The following ERCC8 variants were observed in gnomAD, a reference collection of about 807,000 sequenced individuals.
ERCC8 encodes the protein DNA excision repair protein ERCC-8.
Under a neutral mutation model 54.9 loss-of-function variants are expected in ERCC8, and 52 were observed. That is an observed-to-expected ratio of 0.95 (90% CI 0.76 to 1.19). The LOEUF (loss-of-function observed/expected upper bound fraction) is 1.19. Ranked by LOEUF, ERCC8 falls within the 50% of genes most tolerant of loss-of-function variation. The probability of loss-of-function intolerance (pLI) is 0.00; values close to 1 mark genes in which losing one functional copy is unlikely to be tolerated. For synonymous variants in ERCC8, 146 were observed against 157.2 expected, an observed-to-expected ratio of 0.93 and a Z score of 0.53; for missense variants, 514 against 466.1, an observed-to-expected ratio of 1.10 and a Z score of -0.95.
intron 1 of ERCC8, among the ~76,000 whole-genome samples, chr5:60,938,077 A>G (rs1561519069): frequency 1.1e-4 from 2 of 18,288 alleles, no homozygotes; most frequent in African/African-American, 4.5e-4. Flanking sequence ...ATATATATAT[A>G]TATATATATT....
At chr5:60,892,280 G>A (rs1429668991) in intron 9 of ERCC8, 2 of 554,952 alleles carry the variant, frequency 3.6e-6, no homozygotes, top group African/African-American at 1.9e-5. Context: ...TTCCATCATC[G>A]GAGAATGGAG....
chr5:60,879,694 C>G (rs1561493763), intron 11 of ERCC8, among the ~76,000 whole-genome samples: 1 of 151,934 alleles, frequency 6.6e-6, no homozygotes, highest in Admixed American at 6.5e-5. Context: ...CAACCTCTGC[C>G]TTTTTTTGTT....
intron 11 of ERCC8, among the ~76,000 whole-genome samples, chr5:60,878,356 G>A (rs1330286176): frequency 6.6e-6 from 1 of 152,256 alleles, no homozygotes; most frequent in East Asian, 1.9e-4. Context: ...TCTCTGCCAG[G>A]CTTTGGTATC....
chr5:60,878,929 C>G (rs1748110327), intron 11 of ERCC8, among the ~76,000 whole-genome samples: 1 of 152,168 alleles, frequency 6.6e-6, no homozygotes, highest in Admixed American at 6.5e-5. Flanking sequence ...TGTGTTTGCT[C>G]TTGCTTCTCT....
intron 4 of ERCC8, 118 bp downstream of exon 4, chr5:60,918,147 T>C: frequency 2.5e-6 from 2 of 815,564 alleles, no homozygotes. Flanking sequence ...TCTTAACCAC[T>C]GTACTGCTTT....
At chr5:60,919,063 C>T (rs1749524111) in intron 3 of ERCC8, among the ~76,000 whole-genome samples, 1 of 151,964 alleles carries the variant, frequency 6.6e-6, no homozygotes, top group Non-Finnish European at 1.5e-5. Context: ...TTCAAACAAA[C>T]TGGCTTTTAA....
In ERCC8 at chr5:60,902,794, A is replaced by T. The variant is rs558101479; in HGVS notation, c.551-286T>A. On this transcript the variant is annotated intron_variant, in intron 6 of 11. Transcript: ENST00000676185. ...ATACAGTTGTTAGCTTATGTCAGTA[A>T]ATCCATATAACTCAAGCTCAATTAC... 1.8e-4 allele frequency among the ~76,000 whole-genome samples: 27 copies of T among 152,146 alleles called. No individual in the cohort carries two copies. The South Asian group carries it at 4.1e-3, about 23-fold the overall frequency.
chr5:60,903,680 A>G lies in ERCC8; in HGVS notation c.518T>C (p.Leu173Ser). ...TRGPKVQLCD[L>S]KSGSCSHILQ... Reference sequence around the variant, plus strand: ...AATGTGAGAACAGGATCCAGACTTCAAGTCACAAAGTTGTACTTTGGGTCC... The same window carrying G: ...AATGTGAGAACAGGATCCAGACTTCGAGTCACAAAGTTGTACTTTGGGTCC... Residue 173 changes from leucine to serine, a missense_variant, in exon 6 of 12, where the codon TTG becomes TCG. Leu to Ser is a moderately radical substitution (Grantham distance 145, BLOSUM62 -2). Transcript: ENST00000676185. 1 of 1,612,854 alleles carries G rather than the reference A, an allele frequency of 6.2e-7. No individual in the cohort carries two copies.
Position 60,892,938 on chromosome 5 carries a change from CA to C in ERCC8, c.844-1853del, listed in dbSNP as rs1437811354. On this transcript the variant is annotated intron_variant, in intron 9 of 11. Transcript: ENST00000676185. ...GTGGGTGCGCATTTCACCAAGGCAG[CA>C]ATAGTTCCCCAGAACCCTCATGAGG... is the stretch of plus-strand genomic sequence containing the variant. 4.5e-5 allele frequency: 34 copies of C among 753,954 alleles called. No homozygotes were observed. In the African/African-American group the frequency reaches 5.7e-4, roughly 13 times the overall value. The allele number at this position is 753,954 out of a possible 1,614,324, so 46.7% of individuals were successfully genotyped here. A position where few individuals can be genotyped will look rare whatever the true frequency, so the allele number is the denominator to read the frequency against.
chr5:60,887,370 A>C (rs762950598), intron 11 of ERCC8, 70 bp downstream of exon 11: 3 of 1,303,712 alleles, frequency 2.3e-6, no homozygotes, highest in Non-Finnish European at 3.3e-6. Flanking sequence ...AGTCTCTCTC[A>C]CATAAAGTAA....
At chr5:60,921,741 T>C (rs1749605744) in intron 3 of ERCC8, among the ~76,000 whole-genome samples, 1 of 151,960 alleles carries the variant, frequency 6.6e-6, no homozygotes, top group South Asian at 2.1e-4. Flanking sequence ...TAAGTGGTAC[T>C]AAAAACTCTA....
chr5:60,933,940 C>T (rs941345058), intron 1 of ERCC8, among the ~76,000 whole-genome samples: 7 of 150,480 alleles, frequency 4.7e-5, no homozygotes, highest in African/African-American at 7.3e-5. Flanking sequence ...TTCCATGATA[C>T]ACACACACAC....
intron 9 of ERCC8, chr5:60,893,247 C>A: frequency 9.9e-7 from 1 of 1,005,626 alleles, no homozygotes; most frequent in South Asian, 1.3e-5. Flanking sequence ...TTCATAGTGG[C>A]CTCGTCATCC....
rs949689096 is a variant in ERCC8, at chr5:60,874,075, C to T, written c.*540G>A. On this transcript the variant is annotated 3_prime_UTR_variant, in exon 12 of 12. Coordinates refer to ENST00000676185, the MANE Select transcript of ERCC8 (RefSeq NM_000082.4). ...ATTTTGGATAGTAGGAGACATTGAG[C>T]CCCAAAATGTTTAACATAAAGCATG... 6.6e-6 allele frequency: 1 copy of T among 152,170 alleles called. No individual in the cohort carries two copies. The highest frequency in any genetic ancestry group is 2.4e-5 in the African/African-American group (1 of 41,354). 9.4% of individuals were successfully genotyped at this position (152,170 alleles called of 1,614,324 possible).
At chr5:60,892,144 T>TA (rs1748581065) in intron 9 of ERCC8, 2 of 510,304 alleles carry the variant, frequency 3.9e-6, no homozygotes, top group Admixed American at 2.1e-5. Flanking sequence ...CTTACTGTTT[T>TA]TTTTTAGGGT....
intron 11 of ERCC8, among the ~76,000 whole-genome samples, chr5:60,877,505 G>A (rs1005958263): frequency 1.3e-5 from 2 of 152,212 alleles, no homozygotes; most frequent in Admixed American, 6.5e-5. Flanking sequence ...TCCTACCCAT[G>A]AGCATGGAAT....
intron 2 of ERCC8, among the ~76,000 whole-genome samples, chr5:60,925,747 T>C (rs1234898232): frequency 6.6e-6 from 1 of 152,246 alleles, no homozygotes; most frequent in Non-Finnish European, 1.5e-5. Flanking sequence ...TGGTTTTTCC[T>C]ATTTGCCATT....
Position 60,866,986 on chromosome 5 carries a change from A to C in ERCC8, c.*7629T>G, listed in dbSNP as rs532132785. The C allele has an allele frequency of 6.6e-6, 1 of 151,960 alleles. No homozygotes were observed. The highest frequency in any genetic ancestry group is 2.1e-4 in the South Asian group (1 of 4,802). 9.4% of individuals were successfully genotyped at this position (151,960 alleles called of 1,614,324 possible). Reference sequence around the variant, plus strand: ...CAGCCTCCCAAATAGCTGGGACTACAAGTGCCCGCCTAATTTTTTTTTTGT... The same window carrying C: ...CAGCCTCCCAAATAGCTGGGACTACCAGTGCCCGCCTAATTTTTTTTTTGT... On this transcript the variant is annotated 3_prime_UTR_variant, in exon 12 of 12. Transcript: ENST00000676185.
chr5:60,877,264 G>A (rs1748042066), intron 11 of ERCC8, among the ~76,000 whole-genome samples: 1 of 152,202 alleles, frequency 6.6e-6, no homozygotes, highest in South Asian at 2.1e-4. Flanking sequence ...CCAGTACCGT[G>A]CTGTTTTGGT....
Sources: allele counts gnomAD v4.1 joint callset (sites outside exome capture counted in the v4.1 genomes callset), GRCh38; gene constraint gnomAD v4.1.1; transcripts MANE v1.5; gene names NCBI Gene and HGNC (gene_info 2026-07-23, HGNC 2026-07-21).